Variants in ZNRF3 observed in about 807,000 individuals in gnomAD.
ZNRF3 encodes the protein E3 ubiquitin-protein ligase ZNRF3.
In ZNRF3, 23 loss-of-function variants were observed where a neutral mutation model predicts 72.5. The ratio of observed to expected loss-of-function variants is 0.32; its 90% CI spans 0.23 to 0.45. The LOEUF (loss-of-function observed/expected upper bound fraction) is 0.45, where lower values mean the gene tolerates loss of function less well. ZNRF3 is among the 20% of genes least tolerant of loss of function. The probability of loss-of-function intolerance (pLI) is 1.00; values close to 1 mark genes in which losing one functional copy is unlikely to be tolerated. For synonymous variants in ZNRF3, 610 were observed against 545.3 expected (o/e 1.12, Z -1.65); for missense variants, 1,169 against 1,272.1 (o/e 0.92, Z 1.23).
At chr22:28,924,051 A>G (rs556817760) in intron 1 of ZNRF3, among the ~76,000 whole-genome samples, 38 of 152,384 alleles carry the variant, frequency 2.5e-4, no homozygotes, top group Middle Eastern at 3.4e-3. Flanking sequence ...CTTCAAAGCC[A>G]GTGGAGCAGC....
intron 1 of ZNRF3, among the ~76,000 whole-genome samples, chr22:28,972,673 G>C (rs1027725811): frequency 6.6e-6 from 1 of 152,188 alleles, no homozygotes; most frequent in African/African-American, 2.4e-5. Context: ...TTAAGCCTTT[G>C]AGGAACTGCC....
At chr22:29,017,084 C>T (rs1434502261) in intron 2 of ZNRF3, among the ~76,000 whole-genome samples, 1 of 152,168 alleles carries the variant, frequency 6.6e-6, no homozygotes, top group Non-Finnish European at 1.5e-5. Context: ...AGATGTTTTC[C>T]AGGCAGAGCT....
At chr22:29,013,416 G>A (rs1339303330) in intron 2 of ZNRF3, among the ~76,000 whole-genome samples, 2 of 152,044 alleles carry the variant, frequency 1.3e-5, no homozygotes, top group African/African-American at 2.4e-5. Flanking sequence ...GGTACATCAA[G>A]GACTAAAAAG....
intron 4 of ZNRF3, among the ~76,000 whole-genome samples, chr22:29,043,933 A>G (rs1332201671): frequency 1.3e-5 from 2 of 152,246 alleles, no homozygotes; most frequent in East Asian, 1.9e-4. Flanking sequence ...TTCGACGGCT[A>G]AATGAATAGC....
intron 2 of ZNRF3, among the ~76,000 whole-genome samples, chr22:29,041,245 C>G (rs1235229385): frequency 2.6e-5 from 4 of 152,150 alleles, no homozygotes; most frequent in Admixed American, 6.5e-5. Context: ...TGGGCTCAAT[C>G]AAACCTCCTA....
intron 1 of ZNRF3, among the ~76,000 whole-genome samples, chr22:28,978,871 C>T (rs962641838): frequency 6.6e-6 from 1 of 152,180 alleles, no homozygotes; most frequent in African/African-American, 2.4e-5. Context: ...TTTCACTCCC[C>T]TCTTCTCATT....
Position 28,904,138 on chromosome 22 carries a change from C to G in ZNRF3, c.300+20072C>G, listed in dbSNP as rs1464147228. On this transcript the variant is annotated intron_variant, in intron 1 of 8. Transcript: ENST00000544604. ...CCTAACCTCACCCCAGAAAACAACT[C>G]CTAGTTAACCTTGGCTCCTCTTCAC... Among the ~76,000 whole-genome samples, 3 of 152,160 alleles carry G rather than the reference C, an allele frequency of 2.0e-5. 1 individual carries two copies. In the South Asian group the frequency reaches 6.2e-4, roughly 32 times the overall value.
chr22:28,989,669 T>C (rs1179274002), intron 2 of ZNRF3, among the ~76,000 whole-genome samples: 1 of 152,082 alleles, frequency 6.6e-6, no homozygotes, highest in African/African-American at 2.4e-5. Context: ...ATGTTGAAAC[T>C]TGTTGAAAAC....
At chr22:28,975,692 G>A (rs935200244) in intron 1 of ZNRF3, among the ~76,000 whole-genome samples, 10 of 151,976 alleles carry the variant, frequency 6.6e-5, no homozygotes, top group South Asian at 2.1e-4. Context: ...AGCTGAGATC[G>A]CACCACTGCA....
intron 1 of ZNRF3, among the ~76,000 whole-genome samples, chr22:28,903,269 C>G (rs2034142596): frequency 6.6e-6 from 1 of 152,164 alleles, no homozygotes; most frequent in African/African-American, 2.4e-5. Flanking sequence ...TGGATGTGAA[C>G]TCTTGACTCC....
At chr22:28,952,200 T>A (rs1055375490) in intron 1 of ZNRF3, among the ~76,000 whole-genome samples, 2 of 152,222 alleles carry the variant, frequency 1.3e-5, no homozygotes, top group African/African-American at 4.8e-5. Flanking sequence ...TGCCAGGATG[T>A]CCTTGTAAAA....
rs1249028794 is a variant in ZNRF3 at position 29,048,583 on chromosome 22, C to T, written c.1015+92C>T. 1.4e-5 allele frequency: 18 copies of T among 1,293,314 alleles called. No individual in the cohort carries two copies. The highest frequency in any genetic ancestry group is 1.8e-4 in the Middle Eastern group (1 of 5,424). 80.1% of individuals were successfully genotyped at this position (1,293,314 alleles called of 1,614,324 possible). Reference sequence around the variant, plus strand: ...CAGGCTTGGGAACACTCAGAACCACCGTGGCACTGCCCTCTGGACTTGGAG... The same window carrying T: ...CAGGCTTGGGAACACTCAGAACCACTGTGGCACTGCCCTCTGGACTTGGAG... On this transcript the variant is annotated intron_variant, in intron 7 of 8. Transcript: ENST00000544604. The surrounding 1 kb of genome is among the most constrained non-coding windows in gnomAD (Gnocchi z 4.9).
At chr22:28,969,047 G>A (rs2035525379) in intron 1 of ZNRF3, among the ~76,000 whole-genome samples, 1 of 152,142 alleles carries the variant, frequency 6.6e-6, no homozygotes, top group South Asian at 2.1e-4. Context: ...GCTGTAGATT[G>A]TACATGCTTC....
In ZNRF3 at chr22:29,050,784, G is replaced by A; in HGVS notation, c.2603G>A (p.Arg868Lys). The change falls in exon 8 of 9, where the codon AGG becomes AAG. Residue 868 changes from arginine (R) to lysine (K), a missense_variant. Physicochemically the swap from Arg to Lys is conservative, Grantham distance 26. This residue lies in a region of ZNRF3 where 783 missense variants were observed against 731.4 expected (regional missense o/e 1.07). Coordinates refer to ENST00000544604, the MANE Select transcript of ZNRF3 (RefSeq NM_001206998.2). ...TRGPDTPRPH[R>K]GLGATREEER... ...GGCCCGGATACCCCACGGCCCCACA[G>A]GGGCCTGGGAGCAACCCGGGAAGAG... is the stretch of plus-strand genomic sequence containing the variant. 1.2e-6 allele frequency: 2 copies of A among 1,607,632 alleles called. No individual in the cohort carries two copies. Among genetic ancestry groups the A allele is most frequent in the Middle Eastern group, 1.7e-4 (1 of 6,038 alleles).
chr22:28,913,976 C>T (rs139103981), intron 1 of ZNRF3, among the ~76,000 whole-genome samples: 1 of 152,258 alleles, frequency 6.6e-6, no homozygotes, highest in Non-Finnish European at 1.5e-5. Flanking sequence ...GTGTAATGTA[C>T]TATGTGTGAA....
At chr22:29,004,686 C>T (rs1333730370) in intron 2 of ZNRF3, among the ~76,000 whole-genome samples, 1 of 152,218 alleles carries the variant, frequency 6.6e-6, no homozygotes, top group Non-Finnish European at 1.5e-5. Context: ...CCAGTGGCTT[C>T]CCCTGGATCA....
chr22:28,951,529 T>C (rs568234264), intron 1 of ZNRF3, among the ~76,000 whole-genome samples: 1 of 152,306 alleles, frequency 6.6e-6, no homozygotes, highest in African/African-American at 2.4e-5. Context: ...GATTCCCTCA[T>C]AGCCCCCATA....
rs2037154760 is a variant in ZNRF3 at position 29,049,844 on chromosome 22, A to T, written c.1663A>T (p.Ser555Cys). The T allele has an allele frequency of 1.2e-6, 2 of 1,608,824 alleles. No homozygotes were observed. Among genetic ancestry groups the T allele is most frequent in the African/African-American group, 2.7e-5 (2 of 74,888 alleles). Reference sequence around the variant, plus strand: ...CCCAGGCAGCGACAGCAGCAGCAGCAGCAGCTCCGGCCAGTGCCACTGTTC... The same window carrying T: ...CCCAGGCAGCGACAGCAGCAGCAGCTGCAGCTCCGGCCAGTGCCACTGTTC... ...DCPGSDSSSSSSSGQCHCSSS... is the reference protein window; with the variant it reads ...DCPGSDSSSSCSSGQCHCSSS... The change falls in exon 8 of 9, where the codon AGC becomes TGC. Residue 555 changes from serine (S) to cysteine (C), a missense_variant. Physicochemically the swap from Ser to Cys is moderately radical, Grantham distance 112. Transcript: ENST00000544604. The surrounding 1 kb of genome is among the most constrained non-coding windows in gnomAD (Gnocchi z 5.2).
chr22:28,920,488 C>G (rs1241284389), intron 1 of ZNRF3, among the ~76,000 whole-genome samples: 8 of 152,112 alleles, frequency 5.3e-5, no homozygotes, highest in Non-Finnish European at 2.9e-5. Flanking sequence ...CCAGGCTTGT[C>G]TCGAACTCCT....
Sources: allele counts gnomAD v4.1 joint callset (sites outside exome capture counted in the v4.1 genomes callset), GRCh38; gene constraint gnomAD v4.1.1; regional missense constraint gnomAD v4.1.1; non-coding constraint Gnocchi (gnomAD v3.1); transcripts MANE v1.5; gene names NCBI Gene and HGNC (gene_info 2026-07-23, HGNC 2026-07-21).